Variants in TRIM33 observed in about 807,000 individuals in gnomAD.
TRIM33 encodes tripartite motif containing 33, also known as E3 ubiquitin-protein ligase TRIM33.
In TRIM33, 20 loss-of-function variants were observed where a neutral mutation model predicts 125.4. That is an observed-to-expected ratio of 0.16 (90% confidence interval 0.11 to 0.23). The LOEUF (loss-of-function observed/expected upper bound fraction) is 0.23, where lower values mean the gene tolerates loss of function less well. TRIM33 is among the 10% of genes least tolerant of loss of function. TRIM33 has a pLI of 1.00. For missense variants in TRIM33, 920 were observed against 1,411.4 expected (o/e 0.65, Z 5.58); for synonymous variants, 564 against 513.9 (o/e 1.10, Z -1.32).
At chr1:114,450,810 T>A (rs1322435688) in intron 4 of TRIM33, among the ~76,000 whole-genome samples, 1 of 152,222 alleles carries the variant, frequency 6.6e-6, no homozygotes, top group African/African-American at 2.4e-5. Flanking sequence ...TGGGTCTTTT[T>A]AAAAATCATT....
At chr1:114,452,229 TG>T (rs1165082820) in intron 4 of TRIM33, among the ~76,000 whole-genome samples, 1 of 152,058 alleles carries the variant, frequency 6.6e-6, no homozygotes, top group Non-Finnish European at 1.5e-5. Flanking sequence ...ATCCCAGCAC[TG>T]GTGGGCGGAT....
chr1:114,408,615 T>C, intron 13 of TRIM33, 62 bp downstream of exon 13: 1 of 1,076,098 alleles, frequency 9.3e-7, no homozygotes, highest in South Asian at 1.4e-5. Context: ...ATTCTACTTT[T>C]ATTATACATA....
intron 1 of TRIM33, among the ~76,000 whole-genome samples, chr1:114,482,480 G>A (rs948117721): frequency 6.6e-6 from 1 of 152,134 alleles, no homozygotes; most frequent in Admixed American, 6.5e-5. Flanking sequence ...GGAGGGAGAT[G>A]GGGGGAGATA....
At chr1:114,408,024 T>C (rs989226897) in intron 13 of TRIM33, among the ~76,000 whole-genome samples, 2 of 152,150 alleles carry the variant, frequency 1.3e-5, no homozygotes, top group African/African-American at 4.8e-5. Context: ...CCAGGCATAA[T>C]TCGCCCCAAA....
chr1:114,452,084 T>A (rs1360972699), intron 4 of TRIM33, among the ~76,000 whole-genome samples: 1 of 151,992 alleles, frequency 6.6e-6, no homozygotes, highest in African/African-American at 2.4e-5. Flanking sequence ...TTCTAAAGAA[T>A]AAATGAATTA....
At chr1:114,474,489 G>C (rs759211608) in intron 1 of TRIM33, among the ~76,000 whole-genome samples, 3 of 149,762 alleles carry the variant, frequency 2.0e-5, no homozygotes, top group Non-Finnish European at 4.4e-5. Flanking sequence ...CAGGAGGACT[G>C]CTTGAGCCCA....
At chr1:114,398,080 C>A in intron 18 of TRIM33, 90 bp from the exon 19 acceptor site, 4 of 1,360,006 alleles carry the variant, frequency 2.9e-6, no homozygotes, top group Non-Finnish European at 4.0e-6. Flanking sequence ...GACGAAAAGT[C>A]AGCCATACTA....
chr1:114,462,087 G>A (rs1434680441), intron 4 of TRIM33, among the ~76,000 whole-genome samples: 1 of 152,154 alleles, frequency 6.6e-6, no homozygotes, highest in Non-Finnish European at 1.5e-5. Context: ...ATTACTATGA[G>A]ACTTTGTACA....
rs34473575 is a variant in TRIM33, at chr1:114,474,578, T to TAAA, written c.527-10193_527-10191dup. 2.7e-3 allele frequency among the ~76,000 whole-genome samples: 211 copies of TAAA among 78,946 alleles called. 2 individuals are homozygous for TAAA. Among genetic ancestry groups the TAAA allele is most frequent in the African/African-American group, 8.6e-3 (164 of 19,014 alleles). 51.8% of individuals were successfully genotyped at this position (78,946 alleles called of 152,430 possible). On this transcript the variant is annotated intron_variant, in intron 1 of 19. Coordinates refer to ENST00000358465, the MANE Select transcript of TRIM33 (RefSeq NM_015906.4). The stretch of plus-strand genomic sequence containing the variant: ...GACTGAGCAAGACCTTGTCTCTATT[T>TAAA]AAAAAAAAAAAAAAAAAAAAAAAGG...
intron 18 of TRIM33, 77 bp from the exon 19 acceptor site, chr1:114,398,067 G>A (rs937889617): frequency 6.6e-7 from 1 of 1,509,436 alleles, no homozygotes; most frequent in African/African-American, 1.4e-5. Flanking sequence ...GCATAGGATT[G>A]GCGACGAAAA....
chr1:114,442,842 A>C (rs1180026705), intron 4 of TRIM33, among the ~76,000 whole-genome samples: 1 of 152,076 alleles, frequency 6.6e-6, no homozygotes, highest in Non-Finnish European at 1.5e-5. Flanking sequence ...AAGATTGTAA[A>C]AACAATTTTT....
chr1:114,433,923 A>C lies in TRIM33; in HGVS notation c.924-190T>G, dbSNP rs570538886. On this transcript the variant is annotated intron_variant, in intron 4 of 19. Coordinates refer to ENST00000358465, the MANE Select transcript of TRIM33 (RefSeq NM_015906.4). Reference sequence around the variant, plus strand: ...CATCTCCCTCCAACTCTGACCCTGAAAGGCCATTATGAAAGAAAAAAATTA... The same window carrying C: ...CATCTCCCTCCAACTCTGACCCTGACAGGCCATTATGAAAGAAAAAAATTA... Among the ~76,000 whole-genome samples, 4 of 152,324 alleles carry C rather than the reference A, an allele frequency of 2.6e-5. No individual in the cohort carries two copies. In the East Asian group the frequency reaches 7.7e-4, roughly 29 times the overall value.
intron 1 of TRIM33, among the ~76,000 whole-genome samples, chr1:114,475,656 T>C (rs775229699): frequency 6.6e-6 from 1 of 151,340 alleles, no homozygotes; most frequent in Non-Finnish European, 1.5e-5. Context: ...CACTCCAGCC[T>C]GGGCAACAGA....
At chr1:114,434,241 A>G (rs1648142026) in intron 4 of TRIM33, among the ~76,000 whole-genome samples, 1 of 152,212 alleles carries the variant, frequency 6.6e-6, no homozygotes, top group Admixed American at 6.5e-5. Flanking sequence ...CTTGGTCTCA[A>G]GCAATCCTCC....
intron 4 of TRIM33, among the ~76,000 whole-genome samples, chr1:114,457,837 T>C (rs1649714547): frequency 6.6e-6 from 1 of 152,176 alleles, no homozygotes; most frequent in South Asian, 2.1e-4. Flanking sequence ...CATGTGATTT[T>C]CCCCTATGTT....
intron 4 of TRIM33, among the ~76,000 whole-genome samples, chr1:114,435,937 T>A (rs1648259980): frequency 6.8e-6 from 1 of 146,834 alleles, no homozygotes; most frequent in East Asian, 2.0e-4. Flanking sequence ...CTTGCCATGT[T>A]GCCCAAGCTG....
intron 1 of TRIM33, among the ~76,000 whole-genome samples, chr1:114,470,222 A>C (rs931351978): frequency 6.6e-6 from 1 of 152,198 alleles, no homozygotes; most frequent in African/African-American, 2.4e-5. Flanking sequence ...ACAGATGCTG[A>C]GCTTTTATAA....
intron 11 of TRIM33, among the ~76,000 whole-genome samples, chr1:114,416,582 A>G (rs914783920): frequency 4.6e-5 from 7 of 152,124 alleles, no homozygotes; most frequent in Non-Finnish European, 1.0e-4. Context: ...CATATACCAT[A>G]CTCTATCTTG....
At chr1:114,411,165 T>G (rs1455705504) in intron 11 of TRIM33, among the ~76,000 whole-genome samples, 1 of 151,980 alleles carries the variant, frequency 6.6e-6, no homozygotes, top group Non-Finnish European at 1.5e-5. Flanking sequence ...TTCAGCCTCC[T>G]GAATAGCTAG....
Sources: gnomAD v4.1 joint callset for allele counts (sites outside exome capture counted in the v4.1 genomes callset) on GRCh38, gnomAD v4.1.1 for gene constraint, MANE v1.5 for transcripts, NCBI Gene and HGNC (gene_info 2026-07-23, HGNC 2026-07-21) for gene names.